FER1L5: variants seen among roughly 807,000 people sequenced by gnomAD.
FER1L5 encodes the protein fer-1 like family member 5.
FER1L5 carries 187 observed loss-of-function variants against 279.9 expected under a neutral mutation model. The observed-to-expected ratio is 0.67, with a 90% confidence interval of 0.59 to 0.75. The LOEUF is 0.75. FER1L5 is among the 30% of genes least tolerant of loss of function. FER1L5 has a pLI of 0.00. For synonymous variants in FER1L5, 921 were observed against 989.7 expected (o/e 0.93, Z 1.30); for missense variants, 2,091 against 2,594.4 (o/e 0.81, Z 4.21).
At chr2:96,646,670 C>A (rs939134845) in intron 2 of FER1L5, among the ~76,000 whole-genome samples, 4 of 152,176 alleles carry the variant, frequency 2.6e-5, no homozygotes, top group East Asian at 1.9e-4. Context: ...CCTTCTCCCC[C>A]ACTCCGAGGA....
chr2:96,702,094 C>A lies in FER1L5; in HGVS notation c.5159+51C>A. 1 of 1,600,348 alleles carries A rather than the reference C, an allele frequency of 6.2e-7. No homozygotes were observed. The highest frequency in any genetic ancestry group is 8.6e-7 in the Non-Finnish European group (1 of 1,168,666). On this transcript the variant is annotated intron_variant, in intron 46 of 52. Coordinates refer to ENST00000624922, the MANE Select transcript of FER1L5 (RefSeq NM_001293083.2). This position sits in a 1 kb window ranked among gnomAD's most constrained non-coding sequence, Gnocchi z 4.0. ...GCTGCATTTCACAGTTCAGAACTCCCCCAGTGCAGGGCACCACTGTCCTCA... is the reference window on the plus strand; with the variant it reads ...GCTGCATTTCACAGTTCAGAACTCCACCAGTGCAGGGCACCACTGTCCTCA...
intron 10 of FER1L5, among the ~76,000 whole-genome samples, chr2:96,660,915 G>T (rs1271703779): frequency 6.6e-6 from 1 of 152,232 alleles, no homozygotes; most frequent in Admixed American, 6.5e-5. Flanking sequence ...TTTGGGTCAA[G>T]TGCTAGCCTT....
In FER1L5 at chr2:96,691,287, G is replaced by A. The variant is rs991904142; in HGVS notation, c.2841G>A (p.Ala947=). Reference sequence around the variant, plus strand: ...ACTCGTGCCGCCGCCGGCGCTGGGCGCGTGTGCGCTTCAGGAACCATGGGG... The same window carrying A: ...ACTCGTGCCGCCGCCGGCGCTGGGCACGTGTGCGCTTCAGGAACCATGGGG... ...TYHSCRRRRW[A]RVRFRNHGEL... is the part of the protein sequence containing the mutation. Residue 947 remains alanine (A), a synonymous_variant, in exon 28 of 53, where the codon GCG becomes GCA. Coordinates refer to ENST00000624922, the MANE Select transcript of FER1L5 (RefSeq NM_001293083.2). This position sits in a 1 kb window ranked among gnomAD's most constrained non-coding sequence, Gnocchi z 6.0. 12 of 1,550,424 alleles carry A rather than the reference G, an allele frequency of 7.7e-6. No individual in the cohort carries two copies. The highest frequency in any genetic ancestry group is 1.7e-4 in the Middle Eastern group (1 of 6,014).
At chr2:96,688,276 C>T (rs2280357) in intron 24 of FER1L5, among the ~76,000 whole-genome samples, 36 of 152,284 alleles carry the variant, frequency 2.4e-4, no homozygotes, top group East Asian at 1.4e-3. Flanking sequence ...AGGTTTATTC[C>T]GAGCTTTCTC....
chr2:96,678,656 C>T (rs2076601187), intron 19 of FER1L5, among the ~76,000 whole-genome samples: 1 of 152,038 alleles, frequency 6.6e-6, no homozygotes, highest in African/African-American at 2.4e-5. Flanking sequence ...TGTTCTTGAA[C>T]TCCTGGGCTC....
At chr2:96,684,750 T>C (rs886363054) in intron 20 of FER1L5, among the ~76,000 whole-genome samples, 12 of 151,512 alleles carry the variant, frequency 7.9e-5, no homozygotes, top group Non-Finnish European at 1.8e-4. Flanking sequence ...AGAGAGAAGA[T>C]GGGGAGAGGA....
At chr2:96,673,024 T>C in intron 18 of FER1L5, 53 bp from the exon 19 acceptor site, 1 of 1,520,930 alleles carries the variant, frequency 6.6e-7, no homozygotes, top group South Asian at 1.2e-5. Flanking sequence ...CCTGTCAATA[T>C]AACCCTTGGC....
At chr2:96,646,002 T>C (rs1044238126) in intron 1 of FER1L5, among the ~76,000 whole-genome samples, 3,567 of 139,898 alleles carry the variant, frequency 0.025, 130 homozygotes, top group African/African-American at 0.09. Flanking sequence ...TTTTCTTTTT[T>C]TTTTTTTTTT....
intron 3 of FER1L5, 102 bp from the exon 4 acceptor site, chr2:96,647,676 A>G: frequency 1.2e-6 from 1 of 815,760 alleles, no homozygotes; most frequent in Non-Finnish European, 2.0e-6. Flanking sequence ...AGGACAGCAC[A>G]GCCCTGGGAG....
rs1188145548 is a variant in FER1L5, at chr2:96,695,759, G to A, written c.3912G>A (p.Glu1304=). The part of the protein sequence containing the change: ...LVLTVLMPTE[E]AYALPLVVKV... ...GATTGCAGCTCATGCCGACGGAGGA[G>A]GCCTATGCACTGCCCCTCGTGGTGA... Residue 1304 remains glutamate, a synonymous_variant, in exon 36 of 53, where the codon GAG becomes GAA. Transcript: ENST00000624922. The A allele has an allele frequency of 1.2e-6, 2 of 1,612,788 alleles. No individual in the cohort carries two copies. The highest frequency in any genetic ancestry group is 1.7e-6 in the Non-Finnish European group (2 of 1,179,442).
chr2:96,649,697 T>C lies in FER1L5; in HGVS notation c.394+20T>C, dbSNP rs1558837840. On this transcript the variant is annotated intron_variant, in intron 5 of 52. Coordinates refer to ENST00000624922, the MANE Select transcript of FER1L5 (RefSeq NM_001293083.2). ...AGACAGGTATGTCCTTCCCTGGAGC[T>C]TACCCTTAAGGGCCTACCCTGCCTT... is the stretch of plus-strand genomic sequence containing the variant. 3 of 1,551,040 alleles carry C rather than the reference T, an allele frequency of 1.9e-6. No homozygotes were observed. Among genetic ancestry groups the C allele is most frequent in the Non-Finnish European group, 2.6e-6 (3 of 1,146,542 alleles).
chr2:96,702,920 G>A lies in FER1L5; in HGVS notation c.5398-58G>A. On this transcript the variant is annotated intron_variant, in intron 48 of 52. Coordinates refer to ENST00000624922, the MANE Select transcript of FER1L5 (RefSeq NM_001293083.2). This position sits in a 1 kb window ranked among gnomAD's most constrained non-coding sequence, Gnocchi z 4.0. ...CTGCTGGGTGGAGGGCCACTGAGGG[G>A]TGCAAGGGAAACGTCCAGGAGACAG... is the stretch of plus-strand genomic sequence containing the variant. 2.6e-6 allele frequency: 4 copies of A among 1,560,930 alleles called. No individual in the cohort carries two copies. Among genetic ancestry groups the A allele is most frequent in the South Asian group, 2.3e-5 (2 of 85,670 alleles).
At chr2:96,642,957 G>A in intron 1 of FER1L5, 36 bp downstream of exon 1, 2 of 1,518,278 alleles carry the variant, frequency 1.3e-6, no homozygotes, top group Non-Finnish European at 1.8e-6. Context: ...GGAGAGAGAA[G>A]CCCCCAGAGG....
chr2:96,694,342 C>A lies in FER1L5; in HGVS notation c.3637-18C>A, dbSNP rs72809820. 6.5e-7 allele frequency: 1 copy of A among 1,537,292 alleles called. No individual in the cohort carries two copies. Among genetic ancestry groups the A allele is most frequent in the Non-Finnish European group, 8.8e-7 (1 of 1,139,656 alleles). On this transcript the variant is annotated intron_variant, in intron 33 of 52. Transcript: ENST00000624922. This position sits in a 1 kb window ranked among gnomAD's most constrained non-coding sequence, Gnocchi z 4.6. ...CAGGACCAGCCCAGAGGGCCTCATG[C>A]TCCCTGCCCTCCCCCAGAAGCTTGG...
At position 96,691,806 on chromosome 2, in the gene FER1L5, G is replaced by T; in HGVS notation, c.3076-19G>T. On this transcript the variant is annotated intron_variant, in intron 29 of 52. Transcript: ENST00000624922. The surrounding 1 kb of genome is among the most constrained non-coding windows in gnomAD (Gnocchi z 6.0). ...GGAGCAGCACCCAAGAGCCTCAGGG[G>T]AGACTGTCCTGGGTACAGGCTATGG... The T allele has an allele frequency of 6.4e-7, 1 of 1,551,666 alleles. No homozygotes were observed. Among genetic ancestry groups the T allele is most frequent in the Non-Finnish European group, 8.7e-7 (1 of 1,146,990 alleles).
At chr2:96,673,290 C>T (rs1184428719) in intron 19 of FER1L5, 36 bp downstream of exon 19, 3 of 1,526,980 alleles carry the variant, frequency 2.0e-6, no homozygotes, top group East Asian at 2.5e-5. Context: ...TAGAGAGCAG[C>T]CACTGCATGC....
intron 14 of FER1L5, among the ~76,000 whole-genome samples, chr2:96,665,771 A>C (rs1400628459): frequency 6.6e-6 from 1 of 151,878 alleles, no homozygotes; most frequent in Non-Finnish European, 1.5e-5. Context: ...TTTTTAGTAG[A>C]GACGAGGTTT....
chr2:96,702,880 C>T lies in FER1L5; in HGVS notation c.5398-98C>T, dbSNP rs2077642201. On this transcript the variant is annotated intron_variant, in intron 48 of 52. Transcript: ENST00000624922. The surrounding 1 kb of genome is among the most constrained non-coding windows in gnomAD (Gnocchi z 4.0). Reference sequence around the variant, plus strand: ...ATGTCCTCAGGTGGAAACCCTCTTCCTTGATAGTCTATCACTGCTGGGTGG... The same window carrying T: ...ATGTCCTCAGGTGGAAACCCTCTTCTTTGATAGTCTATCACTGCTGGGTGG... The T allele has an allele frequency of 4.6e-6, 7 of 1,530,782 alleles. 1 individual carries two copies. In the Admixed American group the frequency reaches 5.9e-5, roughly 13 times the overall value. The allele number at this position is 1,530,782 out of a possible 1,614,324, so 94.8% of individuals were successfully genotyped here.
chr2:96,684,230 G>A (rs927753885), intron 19 of FER1L5, 97 bp from the exon 20 acceptor site: 1 of 1,443,512 alleles, frequency 6.9e-7, no homozygotes. Context: ...CTTTGAGGGT[G>A]CAGTGGTCCA....
Sources: allele counts gnomAD v4.1 joint callset (sites outside exome capture counted in the v4.1 genomes callset), GRCh38; gene constraint gnomAD v4.1.1; non-coding constraint Gnocchi (gnomAD v3.1); transcripts MANE v1.5; gene names NCBI Gene and HGNC (gene_info 2026-07-23, HGNC 2026-07-21).